CNKSR3: variants seen among roughly 807,000 people sequenced by gnomAD.
The protein encoded by CNKSR3 is CNKSR family member 3.
A neutral mutation model predicts 67.7 loss-of-function variants in CNKSR3; 36 were observed. The ratio of observed to expected loss-of-function variants is 0.53; its 90% CI spans 0.41 to 0.70. The LOEUF (loss-of-function observed/expected upper bound fraction) is 0.70. CNKSR3 is among the 30% of genes least tolerant of loss of function. The pLI is 0.00. For missense variants in CNKSR3, 630 were observed against 695.2 expected (o/e 0.91, Z 1.05); for synonymous variants, 281 against 271.4 (o/e 1.04, Z -0.35).
intron 1 of CNKSR3, among the ~76,000 whole-genome samples, chr6:154,457,753 C>A (rs1332354517): frequency 3.3e-5 from 5 of 152,206 alleles, no homozygotes; most frequent in African/African-American, 7.2e-5. Flanking sequence ...TCACTCCCTT[C>A]TTCCTCTTAA....
At chr6:154,413,368 C>T (rs921595031) in intron 10 of CNKSR3, among the ~76,000 whole-genome samples, 1 of 151,880 alleles carries the variant, frequency 6.6e-6, no homozygotes, top group African/African-American at 2.4e-5. Context: ...TAGCTAGGAC[C>T]ACGGGTGCAC....
At chr6:154,437,410 C>CTTTTTTTTTTTTTTTT (rs10665656) in intron 4 of CNKSR3, among the ~76,000 whole-genome samples, 2 of 102,144 alleles carry the variant, frequency 2.0e-5, no homozygotes, top group Non-Finnish European at 3.7e-5. Context: ...CACCTATGTT[C>CTTTTTTTTTTTTTTTT]TTTTTTTTTT....
In CNKSR3 at chr6:154,414,318, C is replaced by T. The variant is rs1309054932; in HGVS notation, c.1051G>A (p.Ala351Thr). Residue 351 changes from alanine (A) to threonine (T), a missense_variant, in exon 10 of 13, where the codon GCT becomes ACT. Physicochemically the swap from Ala to Thr is moderately conservative, Grantham distance 58. Transcript: ENST00000607772. Reference sequence around the variant, plus strand: ...ACATACCGGGGAGAGTAGGGAACAGCAGGCGGAGGAGGAATATAAAGATCC... The same window carrying T: ...ACATACCGGGGAGAGTAGGGAACAGTAGGCGGAGGAGGAATATAAAGATCC... ...ILDLYIPPPP[A>T]VPYSPRDENG... 1.2e-6 allele frequency: 2 copies of T among 1,606,244 alleles called. No individual in the cohort carries two copies. Among genetic ancestry groups the T allele is most frequent in the South Asian group, 2.2e-5 (2 of 89,244 alleles).
intron 7 of CNKSR3, among the ~76,000 whole-genome samples, chr6:154,424,090 G>C (rs987740802): frequency 6.6e-6 from 1 of 152,100 alleles, no homozygotes; most frequent in African/African-American, 2.4e-5. Context: ...AAATTAGCCA[G>C]GCATGGTGGC....
At chr6:154,431,674 C>T (rs1281071918) in intron 5 of CNKSR3, among the ~76,000 whole-genome samples, 1 of 151,976 alleles carries the variant, frequency 6.6e-6, no homozygotes, top group East Asian at 1.9e-4. Flanking sequence ...CCATCCCTCA[C>T]CATGAACCCC....
rs563134744 is a variant in CNKSR3 at position 154,388,880 on chromosome 6, A to G, written c.*17474T>C. On this transcript the variant is annotated 3_prime_UTR_variant, in exon 13 of 13. Coordinates refer to ENST00000607772, the MANE Select transcript of CNKSR3 (RefSeq NM_173515.4). Reference sequence around the variant, plus strand: ...CGCAATGTGTCAACTAGCTTCTTTCATTGCTGTTCAAGATGCCAGAGCCCA... The same window carrying G: ...CGCAATGTGTCAACTAGCTTCTTTCGTTGCTGTTCAAGATGCCAGAGCCCA... 16 of 151,114 alleles carry G rather than the reference A, an allele frequency of 1.1e-4. No individual in the cohort carries two copies. The highest frequency in any genetic ancestry group is 2.6e-4 in the Admixed American group (4 of 15,174). The allele number at this position is 151,114 out of a possible 1,614,324, so 9.4% of individuals were successfully genotyped here. A position where few individuals can be genotyped will look rare whatever the true frequency, so the allele number is the denominator to read the frequency against.
intron 1 of CNKSR3, among the ~76,000 whole-genome samples, chr6:154,472,903 C>T (rs898496149): frequency 6.6e-6 from 1 of 152,002 alleles, no homozygotes; most frequent in African/African-American, 2.4e-5. Flanking sequence ...CCCAGGCTAT[C>T]CCATACAATA....
chr6:154,411,648 AAAAAAAG>A (rs1450242925), intron 10 of CNKSR3, among the ~76,000 whole-genome samples: 2 of 151,538 alleles, frequency 1.3e-5, no homozygotes, highest in African/African-American at 4.9e-5. Context: ...AAAAAAAAAA[AAAAAAAG>A]AAGAGTAAAT....
At chr6:154,408,890 T>C (rs1784854760) in intron 12 of CNKSR3, among the ~76,000 whole-genome samples, 1 of 152,156 alleles carries the variant, frequency 6.6e-6, no homozygotes, top group African/African-American at 2.4e-5. Context: ...AGGGAACAAG[T>C]ATTTTTCCAT....
At chr6:154,407,961 C>T (rs776324875) in intron 12 of CNKSR3, among the ~76,000 whole-genome samples, 107 of 145,952 alleles carry the variant, frequency 7.3e-4, no homozygotes, top group African/African-American at 2.2e-3. Flanking sequence ...CATTCTAATA[C>T]GGCTATATTC....
intron 4 of CNKSR3, among the ~76,000 whole-genome samples, chr6:154,439,657 AGAGGCAGGGGAATTACTC>A (rs1785540910): frequency 6.6e-6 from 1 of 152,146 alleles, no homozygotes; most frequent in Non-Finnish European, 1.5e-5. Context: ...TTTGGGAGGT[AGAGGCAGGGGAATTACTC>A]GAGGCCAGGA....
rs760809494 is a variant in CNKSR3, at chr6:154,414,325, A to G, written c.1044T>C (p.Pro348=). 1.9e-6 allele frequency: 3 copies of G among 1,609,206 alleles called. No individual in the cohort carries two copies. The highest frequency in any genetic ancestry group is 2.7e-5 in the African/African-American group (2 of 74,764). ...GGGGAGAGTAGGGAACAGCAGGCGG[A>G]GGAGGAATATAAAGATCCAGGATGG... The part of the protein sequence containing the change: ...KSAILDLYIP[P]PPAVPYSPRD... The change falls in exon 10 of 13, where the codon CCT becomes CCC. Residue 348 remains proline (P), a synonymous_variant. Coordinates refer to ENST00000607772, the MANE Select transcript of CNKSR3 (RefSeq NM_173515.4).
At chr6:154,491,618 C>T (rs930813987) in intron 1 of CNKSR3, among the ~76,000 whole-genome samples, 1 of 152,004 alleles carries the variant, frequency 6.6e-6, no homozygotes, top group Non-Finnish European at 1.5e-5. Flanking sequence ...TAGAATAACA[C>T]CAAACTCAGA....
chr6:154,406,304 G>C lies in CNKSR3; in HGVS notation c.*50C>G. On this transcript the variant is annotated 3_prime_UTR_variant, in exon 13 of 13. Coordinates refer to ENST00000607772, the MANE Select transcript of CNKSR3 (RefSeq NM_173515.4). ...CGAGAAGAGGCTGTCCACTGTAAAA[G>C]CAAGGCACTTGGGGCAGGAGCCAGG... 2 of 1,539,460 alleles carry C rather than the reference G, an allele frequency of 1.3e-6. No individual in the cohort carries two copies. The highest frequency in any genetic ancestry group is 1.2e-5 in the South Asian group (1 of 83,064).
intron 4 of CNKSR3, among the ~76,000 whole-genome samples, chr6:154,435,158 G>A (rs1246203850): frequency 6.6e-6 from 1 of 151,972 alleles, no homozygotes; most frequent in Non-Finnish European, 1.5e-5. Flanking sequence ...ACCACACCTG[G>A]CTAATTTTTG....
intron 2 of CNKSR3, among the ~76,000 whole-genome samples, chr6:154,443,096 C>T (rs1166803817): frequency 1.3e-5 from 2 of 152,202 alleles, no homozygotes; most frequent in African/African-American, 4.8e-5. Context: ...CGGGGTTTCA[C>T]CGTGTTGCCC....
intron 1 of CNKSR3, among the ~76,000 whole-genome samples, chr6:154,473,866 C>T (rs1786384238): frequency 6.6e-6 from 1 of 151,836 alleles, no homozygotes; most frequent in Admixed American, 6.6e-5. Flanking sequence ...CTCACTGCAA[C>T]CTCCGACTCC....
intron 1 of CNKSR3, among the ~76,000 whole-genome samples, chr6:154,493,871 C>T (rs1047213516): frequency 6.6e-6 from 1 of 152,090 alleles, no homozygotes; most frequent in African/African-American, 2.4e-5. Flanking sequence ...ATCCAGTCAC[C>T]TCCCACCAGG....
intron 1 of CNKSR3, among the ~76,000 whole-genome samples, chr6:154,499,044 C>A (rs1287342881): frequency 6.6e-6 from 1 of 152,180 alleles, no homozygotes; most frequent in Admixed American, 6.5e-5. Flanking sequence ...CTGTGTGTTC[C>A]TGGGCTGAGC....
Sources: gnomAD v4.1 joint callset for allele counts (sites outside exome capture counted in the v4.1 genomes callset) on GRCh38, gnomAD v4.1.1 for gene constraint, MANE v1.5 for transcripts, NCBI Gene and HGNC (gene_info 2026-07-23, HGNC 2026-07-21) for gene names.